Variants in FGF14 observed in about 807,000 individuals in gnomAD.
FGF14 encodes the protein fibroblast growth factor 14.
FGF14 carries 5 observed loss-of-function variants against 25.5 expected under a neutral mutation model. The ratio of observed to expected loss-of-function variants is 0.20; its 90% CI spans 0.10 to 0.41. FGF14 has a LOEUF of 0.41. FGF14 is among the 10% of genes least tolerant of loss of function. The pLI is 1.00. For synonymous variants in FGF14, 138 were observed against 118.3 expected, an observed-to-expected ratio of 1.17 and a Z score of -1.08; for missense variants, 222 against 320.1, an observed-to-expected ratio of 0.69 and a Z score of 2.34.
At chr13:101,964,907 G>T (rs2139485551) in intron 1 of FGF14, among the ~76,000 whole-genome samples, 1 of 152,096 alleles carries the variant, frequency 6.6e-6, no homozygotes, top group Admixed American at 6.5e-5. Flanking sequence ...TCTCATTCTG[G>T]TTCTCCTTCT....
chr13:101,948,293 G>A (rs1228818265), intron 1 of FGF14, among the ~76,000 whole-genome samples: 1 of 152,172 alleles, frequency 6.6e-6, no homozygotes, highest in East Asian at 1.9e-4. Context: ...TATATAGCAT[G>A]CCAAATGCAA....
At chr13:102,080,397 T>C (rs1211132314) in intron 1 of FGF14, among the ~76,000 whole-genome samples, 1 of 152,126 alleles carries the variant, frequency 6.6e-6, no homozygotes, top group Non-Finnish European at 1.5e-5. Context: ...GGTGCTGCAG[T>C]TTGCTTAGAG....
intron 3 of FGF14, among the ~76,000 whole-genome samples, chr13:101,769,954 G>A (rs747627823): frequency 2.6e-5 from 4 of 152,056 alleles, no homozygotes; most frequent in Admixed American, 6.6e-5. Context: ...GTAAATGATG[G>A]ACTTTGGGTG....
intron 3 of FGF14, among the ~76,000 whole-genome samples, chr13:101,728,773 G>A (rs2035610352): frequency 6.6e-6 from 1 of 152,104 alleles, no homozygotes; most frequent in Non-Finnish European, 1.5e-5. Context: ...GTGGAAGTCA[G>A]GGGAATCTGG....
At chr13:101,834,936 A>G (rs2042849626) in intron 3 of FGF14, among the ~76,000 whole-genome samples, 1 of 152,142 alleles carries the variant, frequency 6.6e-6, no homozygotes, top group African/African-American at 2.4e-5. Flanking sequence ...TTATATTTAC[A>G]GGCCACACAT....
At chr13:102,132,515 CTTTTT>C (rs5806272) in intron 1 of FGF14, among the ~76,000 whole-genome samples, 7 of 112,672 alleles carry the variant, frequency 6.2e-5, no homozygotes, top group Non-Finnish European at 1.4e-4. Context: ...TTCTTTCTTT[CTTTTT>C]TTTTTTTTTT....
chr13:102,179,907 T>C (rs1355041504), intron 1 of FGF14, among the ~76,000 whole-genome samples: 1 of 152,192 alleles, frequency 6.6e-6, no homozygotes, highest in African/African-American at 2.4e-5. Flanking sequence ...CTTTATATTA[T>C]ATGAATTCTA....
chr13:102,138,928 A>C (rs1480836341), intron 1 of FGF14, among the ~76,000 whole-genome samples: 3 of 152,222 alleles, frequency 2.0e-5, no homozygotes, highest in Non-Finnish European at 4.4e-5. Context: ...CTATGATCAA[A>C]TGTAAAAGCT....
At chr13:102,146,612 C>G (rs2046865959) in intron 1 of FGF14, among the ~76,000 whole-genome samples, 1 of 152,090 alleles carries the variant, frequency 6.6e-6, no homozygotes, top group African/African-American at 2.4e-5. Context: ...GAAATTTACA[C>G]TAGTACAGGT....
chr13:101,745,700 G>A (rs186768807), intron 3 of FGF14, among the ~76,000 whole-genome samples: 60 of 152,136 alleles, frequency 3.9e-4, no homozygotes, highest in Non-Finnish European at 7.4e-4. Context: ...CTCATTAGTA[G>A]ATACTGTTTT....
chr13:102,217,212 G>C (rs2050412290), intron 1 of FGF14, among the ~76,000 whole-genome samples: 1 of 152,112 alleles, frequency 6.6e-6, no homozygotes, highest in South Asian at 2.1e-4. Context: ...AAAACTTTAT[G>C]AGCTAACCAC....
At chr13:101,859,464 A>G (rs1234081969) in intron 3 of FGF14, among the ~76,000 whole-genome samples, 1 of 152,118 alleles carries the variant, frequency 6.6e-6, no homozygotes, top group Non-Finnish European at 1.5e-5. Flanking sequence ...GTCTTCGCAC[A>G]TGTTGTACAA....
chr13:101,888,341 T>C (rs1224609111), intron 1 of FGF14, among the ~76,000 whole-genome samples: 2 of 152,162 alleles, frequency 1.3e-5, no homozygotes, highest in African/African-American at 4.8e-5. Flanking sequence ...CCTGAAAAAG[T>C]ACTGGACTGT....
At chr13:102,303,062 A>G (rs1284601013) in intron 1 of FGF14, among the ~76,000 whole-genome samples, 1 of 151,962 alleles carries the variant, frequency 6.6e-6, no homozygotes, top group Non-Finnish European at 1.5e-5. Context: ...ATCTCCTACC[A>G]CTTTCTCCCC....
At chr13:102,133,293 TCTC>T (rs1172200638) in intron 1 of FGF14, among the ~76,000 whole-genome samples, 2 of 152,218 alleles carry the variant, frequency 1.3e-5, no homozygotes, top group Admixed American at 1.3e-4. Context: ...TGGAATAGCT[TCTC>T]CTAATTAAAC....
At chr13:102,040,976 G>A (rs1373285518) in intron 1 of FGF14, among the ~76,000 whole-genome samples, 1 of 151,898 alleles carries the variant, frequency 6.6e-6, no homozygotes, top group East Asian at 1.9e-4. Flanking sequence ...ACCTGTTGAG[G>A]CAGAGCCAAT....
chr13:102,063,638 C>T (rs979262652), intron 1 of FGF14, among the ~76,000 whole-genome samples: 14 of 151,754 alleles, frequency 9.2e-5, no homozygotes, highest in South Asian at 2.1e-4. Context: ...GTTCGCAATG[C>T]TAAAACATTA....
chr13:102,345,521 C>T (rs1029249997), intron 1 of FGF14, among the ~76,000 whole-genome samples: 1 of 152,198 alleles, frequency 6.6e-6, no homozygotes, highest in East Asian at 1.9e-4. Flanking sequence ...CATGCCTTTT[C>T]CCCCATCCCT....
At chr13:102,062,350 T>C (rs1352855866) in intron 1 of FGF14, among the ~76,000 whole-genome samples, 2 of 151,878 alleles carry the variant, frequency 1.3e-5, no homozygotes, top group Non-Finnish European at 2.9e-5. Context: ...ATATGAGGCA[T>C]TGAAAACAAA....
Sources: gnomAD v4.1 joint callset for allele counts (sites outside exome capture counted in the v4.1 genomes callset) on GRCh38, gnomAD v4.1.1 for gene constraint, MANE v1.5 for transcripts, NCBI Gene and HGNC (gene_info 2026-07-23, HGNC 2026-07-21) for gene names.